Variants in ERGIC1 observed in about 807,000 individuals in gnomAD.
ERGIC1 encodes endoplasmic reticulum-Golgi intermediate compartment protein 1.
In ERGIC1, 19 loss-of-function variants were observed where a neutral mutation model predicts 38.3. That is an observed-to-expected ratio of 0.50 (90% CI 0.35 to 0.73). The LOEUF (loss-of-function observed/expected upper bound fraction) is 0.73, where lower values mean the gene tolerates loss of function less well. Among genes scored for constraint, ERGIC1 ranks in the 30% least tolerant of loss-of-function variants. The probability of loss-of-function intolerance (pLI) is 0.01; values close to 1 mark genes in which losing one functional copy is unlikely to be tolerated. For synonymous variants in ERGIC1, 124 were observed against 157.6 expected (o/e 0.79, Z 1.60); for missense variants, 294 against 389.2 (o/e 0.76, Z 2.06).
chr5:172,931,881 C>T (rs1204885714), intron 7 of ERGIC1, among the ~76,000 whole-genome samples: 1 of 88,884 alleles, frequency 1.1e-5, no homozygotes, highest in Non-Finnish European at 2.3e-5. Flanking sequence ...TTTTTTGAGA[C>T]AGAGTCTTGC....
chr5:172,881,318 G>A (rs1283193979), intron 1 of ERGIC1, among the ~76,000 whole-genome samples: 3 of 152,152 alleles, frequency 2.0e-5, no homozygotes, highest in Middle Eastern at 3.4e-3. Flanking sequence ...CAGGGACCAC[G>A]GTGTACTCAC....
intron 1 of ERGIC1, among the ~76,000 whole-genome samples, chr5:172,877,342 C>G (rs964749656): frequency 6.6e-6 from 1 of 150,376 alleles, no homozygotes; most frequent in Non-Finnish European, 1.5e-5. Flanking sequence ...CTTTAATTTC[C>G]CTCAGCAGTA....
chr5:172,855,010 G>GT (rs1761509451), intron 1 of ERGIC1, among the ~76,000 whole-genome samples: 1 of 152,168 alleles, frequency 6.6e-6, no homozygotes, highest in Non-Finnish European at 1.5e-5. Context: ...GGCCACCTGG[G>GT]ACTCACACAG....
chr5:172,905,158 C>T (rs1345179874), intron 3 of ERGIC1: 2 of 219,862 alleles, frequency 9.1e-6, no homozygotes, highest in Non-Finnish European at 2.0e-5. Flanking sequence ...TCCCTCAGTG[C>T]TGTGCGGAGG....
intron 9 of ERGIC1, chr5:172,937,880 C>A (rs1763921151): frequency 7.1e-6 from 1 of 141,816 alleles, no homozygotes; most frequent in African/African-American, 2.7e-5. Flanking sequence ...CGCCTGTAAT[C>A]CCAGCTACTT....
At chr5:172,863,539 G>A (rs544831148) in intron 1 of ERGIC1, among the ~76,000 whole-genome samples, 28 of 152,256 alleles carry the variant, frequency 1.8e-4, no homozygotes, top group Admixed American at 1.7e-3. Context: ...GTGGCCAGGA[G>A]TCCTCCCGTG....
intron 5 of ERGIC1, 48 bp from the exon 6 acceptor site, chr5:172,923,957 C>T (rs1282361435): frequency 1.1e-5 from 17 of 1,553,786 alleles, no homozygotes; most frequent in Admixed American, 3.4e-5. Context: ...AATGTTCCGC[C>T]CCCTGGAGAA....
intron 1 of ERGIC1, among the ~76,000 whole-genome samples, chr5:172,882,954 T>C (rs922353215): frequency 6.6e-6 from 1 of 152,096 alleles, no homozygotes; most frequent in Non-Finnish European, 1.5e-5. Flanking sequence ...CTATTAGAGA[T>C]GGTGGTCTCA....
chr5:172,834,386 C>T lies in ERGIC1; in HGVS notation c.-28C>T, dbSNP rs1760975291. ...GCGGCGCCGCGGCCCGCCTGGCCTG[C>T]AGCGCTCCCACCCCCGGCGGCGGCA... On this transcript the variant is annotated 5_prime_UTR_variant, in exon 1 of 10. Coordinates refer to ENST00000393784, the MANE Select transcript of ERGIC1 (RefSeq NM_001031711.3). This position sits in a 1 kb window ranked among gnomAD's most constrained non-coding sequence, Gnocchi z 4.1. 1.5e-6 allele frequency: 2 copies of T among 1,312,324 alleles called. No individual in the cohort carries two copies. Among genetic ancestry groups the T allele is most frequent in the Non-Finnish European group, 9.7e-7 (1 of 1,028,600 alleles). 81.3% of individuals were successfully genotyped at this position (1,312,324 alleles called of 1,614,324 possible).
chr5:172,865,722 CTG>C (rs1761841409), intron 1 of ERGIC1, among the ~76,000 whole-genome samples: 1 of 152,196 alleles, frequency 6.6e-6, no homozygotes, highest in South Asian at 2.1e-4. Flanking sequence ...ATGATCTGAT[CTG>C]TGTGTGTTGG....
At position 172,871,201 on chromosome 5, in the gene ERGIC1, G is replaced by T. The variant is rs56176401; in HGVS notation, c.21-17498G>T. On this transcript the variant is annotated intron_variant, in intron 1 of 9. Coordinates refer to ENST00000393784, the MANE Select transcript of ERGIC1 (RefSeq NM_001031711.3). ...TCCGGCCTGAGGCTGATTGGAGATG[G>T]CTTCTCAGAGAAAGGGATGCGTGAG... Among the ~76,000 whole-genome samples, 296 of 152,372 alleles carry T rather than the reference G, an allele frequency of 1.9e-3. 1 individual carries two copies. Among genetic ancestry groups the T allele is most frequent in the African/African-American group, 6.8e-3 (284 of 41,582 alleles).
rs1193669744 is a variant in ERGIC1 at position 172,952,499 on chromosome 5, TC to T, written c.*1684del. On this transcript the variant is annotated 3_prime_UTR_variant, in exon 10 of 10. Coordinates refer to ENST00000393784, the MANE Select transcript of ERGIC1 (RefSeq NM_001031711.3). ...GTGTGGCATGCACATGAGTTGAAATTCTTTTATGCATTTTTTTGAAGAAAAA... is the reference window on the plus strand; with the variant it reads ...GTGTGGCATGCACATGAGTTGAAATTTTTTATGCATTTTTTTGAAGAAAAA... 1.4e-5 allele frequency: 2 copies of T among 144,020 alleles called. No individual in the cohort carries two copies. The highest frequency in any genetic ancestry group is 4.3e-4 in the East Asian group (2 of 4,676). The allele number at this position is 144,020 out of a possible 1,614,324, so 8.9% of individuals were successfully genotyped here. A position where few individuals can be genotyped will look rare whatever the true frequency, so the allele number is the denominator to read the frequency against.
At chr5:172,925,465 T>C (rs1262964888) in intron 6 of ERGIC1, among the ~76,000 whole-genome samples, 1 of 152,172 alleles carries the variant, frequency 6.6e-6, no homozygotes, top group Admixed American at 6.5e-5. Flanking sequence ...GAATTGCTTG[T>C]TGAGAACATG....
intron 1 of ERGIC1, among the ~76,000 whole-genome samples, chr5:172,859,732 G>GA (rs1761649291): frequency 2.0e-5 from 3 of 152,202 alleles, no homozygotes; most frequent in Admixed American, 6.5e-5. Context: ...GCTATCCTCC[G>GA]CAGGTGCCCT....
In ERGIC1 at chr5:172,846,104, T is replaced by C. The variant is rs1427080559; in HGVS notation, c.20+11671T>C. Among the ~76,000 whole-genome samples, 3 of 152,158 alleles carry C rather than the reference T, an allele frequency of 2.0e-5. No homozygotes were observed. The highest frequency in any genetic ancestry group is 2.9e-5 in the Non-Finnish European group (2 of 68,022). On this transcript the variant is annotated intron_variant, in intron 1 of 9. Coordinates refer to ENST00000393784, the MANE Select transcript of ERGIC1 (RefSeq NM_001031711.3). This position sits in a 1 kb window ranked among gnomAD's most constrained non-coding sequence, Gnocchi z 4.0. Reference sequence around the variant, plus strand: ...GAAGCGCCCTTCTCAGCACATCCCATGGGGGTCCATGGCATCCATTTGACC... The same window carrying C: ...GAAGCGCCCTTCTCAGCACATCCCACGGGGGTCCATGGCATCCATTTGACC...
At position 172,926,514 on chromosome 5, in the gene ERGIC1, G is replaced by A. The variant is rs138339569; in HGVS notation, c.486G>A (p.Gln162=). ...KLSFGDTLQV[Q]NIHGAFNALG... ...CTCACTGCATTTTTCCACAGGTCCA[G>A]AACATCCACGGAGCTTTCAATGCTC... The change falls in exon 7 of 10, where the codon CAG becomes CAA. Residue 162 remains glutamine (Q), a synonymous_variant. Coordinates refer to ENST00000393784, the MANE Select transcript of ERGIC1 (RefSeq NM_001031711.3). This position sits in a 1 kb window ranked among gnomAD's most constrained non-coding sequence, Gnocchi z 5.2. 1.8e-4 allele frequency: 298 copies of A among 1,613,730 alleles called. 1 individual carries two copies. Among genetic ancestry groups the A allele is most frequent in the Non-Finnish European group, 2.2e-4 (262 of 1,180,006 alleles).
At chr5:172,851,945 G>A (rs1340134974) in intron 1 of ERGIC1, among the ~76,000 whole-genome samples, 1 of 152,088 alleles carries the variant, frequency 6.6e-6, no homozygotes, top group Non-Finnish European at 1.5e-5. Context: ...TCCCAAGTAG[G>A]AGATTTGCCC....
At chr5:172,845,612 A>G (rs1159772413) in intron 1 of ERGIC1, among the ~76,000 whole-genome samples, 5 of 152,208 alleles carry the variant, frequency 3.3e-5, no homozygotes, top group Non-Finnish European at 7.3e-5. Context: ...TTTAAAATTC[A>G]TGTTTTAATT....
chr5:172,852,759 G>C (rs1345167025), intron 1 of ERGIC1, among the ~76,000 whole-genome samples: 1 of 152,262 alleles, frequency 6.6e-6, no homozygotes, highest in South Asian at 2.1e-4. Context: ...CCTCCTGGGG[G>C]ACAGTAGAGT....
Sources: allele counts gnomAD v4.1 joint callset (sites outside exome capture counted in the v4.1 genomes callset), GRCh38; gene constraint gnomAD v4.1.1; non-coding constraint Gnocchi (gnomAD v3.1); transcripts MANE v1.5; gene names NCBI Gene and HGNC (gene_info 2026-07-23, HGNC 2026-07-21).